The following KRT17 variants were observed in gnomAD, a reference collection of about 807,000 sequenced individuals.
KRT17 encodes the protein keratin 17.
In KRT17, 29 loss-of-function variants were observed where a neutral mutation model predicts 45.6. The observed-to-expected ratio is 0.64, with a 90% CI of 0.47 to 0.87. The LOEUF is 0.87. Among genes scored for constraint, KRT17 ranks in the 40% least tolerant of loss-of-function variants. The pLI, the probability that KRT17 is intolerant of heterozygous loss-of-function variation, is 0.00. For synonymous variants in KRT17, 219 were observed against 234.6 expected (o/e 0.93, Z 0.61); for missense variants, 536 against 577.8 (o/e 0.93, Z 0.74).
At position 41,620,828 on chromosome 17, in the gene KRT17, G is replaced by A. The variant is rs749862409; in HGVS notation, c.1012C>T (p.Gln338Ter). ...LAETENRYCV[Q>*]LSQIQGLIGS... is the part of the protein sequence containing the mutation. Reference sequence around the variant, plus strand: ...ATCAGCCCCTGGATCTGGGACAGCTGCACGCAGTAGCGGTTCTCTGTCTCC... The same window carrying A: ...ATCAGCCCCTGGATCTGGGACAGCTACACGCAGTAGCGGTTCTCTGTCTCC... The change falls in exon 6 of 8, where the codon CAG becomes TAG. Residue 338 changes from glutamine (Q) to a stop codon, truncating the protein, a stop_gained. Transcript: ENST00000311208. LOFTEE classifies it high-confidence loss of function. 6 of 1,613,624 alleles carry A rather than the reference G, an allele frequency of 3.7e-6. No homozygotes were observed. The highest frequency in any genetic ancestry group is 1.3e-5 in the African/African-American group (1 of 75,058).
At position 41,624,229 on chromosome 17, in the gene KRT17, C is replaced by T. The variant is rs28928897; in HGVS notation, c.281G>A (p.Arg94His). 14 of 1,612,758 alleles carry T rather than the reference C, an allele frequency of 8.7e-6. No homozygotes were observed. The highest frequency in any genetic ancestry group is 1.1e-5 in the Non-Finnish European group (13 of 1,180,022). The change falls in exon 1 of 8, where the codon CGC (arginine) becomes CAC (histidine). Residue 94 changes from arginine to histidine, a missense_variant. Arg to His is a conservative substitution (Grantham distance 29). Coordinates refer to ENST00000311208, the MANE Select transcript of KRT17 (RefSeq NM_000422.3). ...EKATMQNLND[R>H]LASYLDKVRA... Reference sequence around the variant, plus strand: ...CACCTTGTCCAGGTAGGAGGCCAGGCGGTCATTGAGGTTCTGCATGGTGGC... The same window carrying T: ...CACCTTGTCCAGGTAGGAGGCCAGGTGGTCATTGAGGTTCTGCATGGTGGC...
At position 41,621,656 on chromosome 17, in the gene KRT17, A is replaced by G; in HGVS notation, c.771T>C (p.Arg257=). The G allele has an allele frequency of 1.2e-6, 2 of 1,612,122 alleles. No individual in the cohort carries two copies. Among genetic ancestry groups the G allele is most frequent in the Non-Finnish European group, 1.7e-6 (2 of 1,179,840 alleles). Residue 257 remains arginine, a synonymous_variant, in exon 4 of 8, where the codon CGT becomes CGC. Coordinates refer to ENST00000311208, the MANE Select transcript of KRT17 (RefSeq NM_000422.3). ...VDLSRILNEM[R]DQYEKMAEKN... ...TCTCTGCCATCTTCTCATACTGGTC[A>G]CGCATCTCGTTGAGGATGCGGCTCA...
At chr17:41,620,605 A>G in intron 6 of KRT17, 47 bp from the exon 7 acceptor site, 2 of 1,609,542 alleles carry the variant, frequency 1.2e-6, no homozygotes, top group South Asian at 2.2e-5. Context: ...TGGGTCTGAG[A>G]GCCCCACCCC....
rs756477246 is a variant in KRT17, at chr17:41,620,765, C to G, written c.1075G>C (p.Glu359Gln). The G allele has an allele frequency of 1.2e-6, 2 of 1,612,702 alleles. No homozygotes were observed. Among genetic ancestry groups the G allele is most frequent in the Non-Finnish European group, 1.7e-6 (2 of 1,179,874 alleles). Residue 359 changes from glutamate to glutamine, a missense_variant, in exon 6 of 8, where the codon GAG (glutamate) becomes CAG (glutamine). Glu to Gln is a conservative substitution (Grantham distance 29, BLOSUM62 2). Transcript: ENST00000311208. ...TATTCCTGGTTCTGCTGCTCCATCT[C>G]GCAGCGAAGCTGGGCCAGCTGCTCC... is the stretch of plus-strand genomic sequence containing the variant. ...VEEQLAQLRC[E>Q]MEQQNQEYKI...
At chr17:41,619,930 G>T in intron 7 of KRT17, 1 of 985,358 alleles carries the variant, frequency 1.0e-6, no homozygotes, top group Non-Finnish European at 1.2e-6. Flanking sequence ...TGGGTTATTT[G>T]ATTCTGATCC....
rs199712532 is a variant in KRT17, at chr17:41,622,751, T to C, written c.515+199A>G. On this transcript the variant is annotated intron_variant, in intron 2 of 7. Coordinates refer to ENST00000311208, the MANE Select transcript of KRT17 (RefSeq NM_000422.3). Reference sequence around the variant, plus strand: ...TCCCGCCTCCCCTCCTTCTCTTCTATTCCCTGCCTAAGCTCAGCAACCTTC... The same window carrying C: ...TCCCGCCTCCCCTCCTTCTCTTCTACTCCCTGCCTAAGCTCAGCAACCTTC... 1.8e-4 allele frequency: 127 copies of C among 701,796 alleles called. 2 individuals carry two copies. The East Asian group carries it at 3.4e-3, about 19-fold the overall frequency. 43.5% of individuals were successfully genotyped at this position (701,796 alleles called of 1,614,324 possible).
chr17:41,624,273 C>T lies in KRT17; in HGVS notation c.237G>A (p.Leu79=), dbSNP rs1388310649. The T allele has an allele frequency of 6.2e-7, 1 of 1,612,554 alleles. No individual in the cohort carries two copies. Among genetic ancestry groups the T allele is most frequent in the Admixed American group, 1.7e-5 (1 of 60,032 alleles). Residue 79 remains leucine (L), a synonymous_variant, in exon 1 of 8, where the codon CTG becomes CTA. Coordinates refer to ENST00000311208, the MANE Select transcript of KRT17 (RefSeq NM_000422.3). Reference sequence around the variant, plus strand: ...TGGTGGCCTTCTCACCTCCAGCCAGCAGCCCATCAACACCCCCAAAGCTGC... The same window carrying T: ...TGGTGGCCTTCTCACCTCCAGCCAGTAGCCCATCAACACCCCCAAAGCTGC... ...YGSSFGGVDG[L]LAGGEKATMQ...
intron 7 of KRT17, 113 bp downstream of exon 7, chr17:41,620,423 G>A (rs1908495291): frequency 3.7e-6 from 6 of 1,607,922 alleles, no homozygotes; most frequent in Non-Finnish European, 5.1e-6. Flanking sequence ...TCTCCCTGCT[G>A]AGGGACAGCC....
At chr17:41,619,854 C>T (rs1432334892) in intron 7 of KRT17, 166 bp from the exon 8 acceptor site, 1 of 985,334 alleles carries the variant, frequency 1.0e-6, no homozygotes, top group Non-Finnish European at 1.2e-6. Context: ...CCTCCTGTCC[C>T]TGCCACCACC....
rs11553457 is a variant in KRT17, at chr17:41,624,515, C to T, written c.-6G>A. 43 of 1,608,174 alleles carry T rather than the reference C, an allele frequency of 2.7e-5. No individual in the cohort carries two copies. The highest frequency in any genetic ancestry group is 3.3e-5 in the Non-Finnish European group (39 of 1,178,332). On this transcript the variant is annotated 5_prime_UTR_variant, in exon 1 of 8. Coordinates refer to ENST00000311208, the MANE Select transcript of KRT17 (RefSeq NM_000422.3). ...TGGCGGATGGAGGTGGTCATGGTGG[C>T]GGCGGCAGGAGGCAGGCACACAGGA...
At position 41,624,430 on chromosome 17, in the gene KRT17, G is replaced by T. The variant is rs554504293; in HGVS notation, c.80C>A (p.Thr27Asn). The T allele has an allele frequency of 4.3e-6, 7 of 1,610,160 alleles. No individual in the cohort carries two copies. In the East Asian group the frequency reaches 1.1e-4, roughly 26 times the overall value. Residue 27 changes from threonine (T) to asparagine (N), a missense_variant, in exon 1 of 8, where the codon ACC (threonine) becomes AAC (asparagine). By Grantham distance (65) the Thr-to-Asn change is moderately conservative (BLOSUM62 0). Coordinates refer to ENST00000311208, the MANE Select transcript of KRT17 (RefSeq NM_000422.3). ...SSGLGGGSSR[T>N]SCRLSGGLGA... is the part of the protein sequence containing the mutation. Reference sequence around the variant, plus strand: ...CAGGCCGCCAGACAGCCGGCAGGAGGTGCGGGACGAGCCGCCCCCCAGGCC... The same window carrying T: ...CAGGCCGCCAGACAGCCGGCAGGAGTTGCGGGACGAGCCGCCCCCCAGGCC...
intron 4 of KRT17, 84 bp from the exon 5 acceptor site, chr17:41,621,175 G>A: frequency 1.3e-6 from 2 of 1,551,978 alleles, no homozygotes; most frequent in Non-Finnish European, 1.8e-6. Context: ...ACTGTGGAGA[G>A]AGTGTGCCTT....
intron 7 of KRT17, chr17:41,620,208 C>T: frequency 1.0e-6 from 1 of 985,370 alleles, no homozygotes; most frequent in Non-Finnish European, 1.2e-6. Context: ...TTTGCTCATC[C>T]AAAAGCTGTC....
intron 2 of KRT17, 91 bp from the exon 3 acceptor site, chr17:41,622,602 C>G (rs1908580065): frequency 6.7e-7 from 1 of 1,493,662 alleles, no homozygotes; most frequent in Admixed American, 1.7e-5. Context: ...TGCCAGGACT[C>G]TAAGGAGTTG....
At chr17:41,622,557 A>C in intron 2 of KRT17, 46 bp from the exon 3 acceptor site, 1 of 1,609,544 alleles carries the variant, frequency 6.2e-7, no homozygotes. Flanking sequence ...TTGGACCTGC[A>C]GATCCAGGTC....
rs545624862 is a variant in KRT17 at position 41,622,288 on chromosome 17, T to C, written c.672+67A>G. On this transcript the variant is annotated intron_variant, in intron 3 of 7. Transcript: ENST00000311208. Reference sequence around the variant, plus strand: ...CTGCTCTCTCCCACGGCCTCAGCCATTGCCCAGCCCCAGGGCTCTGCCACC... The same window carrying C: ...CTGCTCTCTCCCACGGCCTCAGCCACTGCCCAGCCCCAGGGCTCTGCCACC... The C allele has an allele frequency of 1.9e-5, 30 of 1,603,156 alleles. No homozygotes were observed. The South Asian group carries it at 2.9e-4, about 15-fold the overall frequency.
At chr17:41,623,087 C>T in intron 1 of KRT17, 55 bp from the exon 2 acceptor site, 2 of 1,340,998 alleles carry the variant, frequency 1.5e-6, no homozygotes, top group Non-Finnish European at 2.1e-6. Flanking sequence ...GAGCCCACAC[C>T]AGGGTTCTGA....
At chr17:41,621,808 C>A in intron 3 of KRT17, 54 bp from the exon 4 acceptor site, 1 of 1,607,152 alleles carries the variant, frequency 6.2e-7, no homozygotes, top group Admixed American at 1.7e-5. Context: ...TGACCTCTCA[C>A]TCCCAAGCCT....
chr17:41,624,407 G>C lies in KRT17; in HGVS notation c.103C>G (p.Leu35Val). 6.2e-7 allele frequency: 1 copy of C among 1,610,460 alleles called. No individual in the cohort carries two copies. Among genetic ancestry groups the C allele is most frequent in the Non-Finnish European group, 8.5e-7 (1 of 1,179,542 alleles). ...CCCAGCCTGCAGGAGCCGGCACCCA[G>C]GCCGCCAGACAGCCGGCAGGAGGTG... is the stretch of plus-strand genomic sequence containing the variant. Reference protein sequence around the residue: ...SRTSCRLSGGLGAGSCRLGSA... With the variant: ...SRTSCRLSGGVGAGSCRLGSA... The change falls in exon 1 of 8, where the codon CTG becomes GTG. Residue 35 changes from leucine (L) to valine (V), a missense_variant. Leu to Val is a conservative substitution (Grantham distance 32). Transcript: ENST00000311208.
Sources: gnomAD v4.1 joint callset for allele counts on GRCh38, gnomAD v4.1.1 for gene constraint, MANE v1.5 for transcripts, NCBI Gene and HGNC (gene_info 2026-07-23, HGNC 2026-07-21) for gene names.